Variants in KIAA2012 observed in about 807,000 individuals in gnomAD.
KIAA2012 encodes the protein KIAA2012, also known as uncharacterized protein KIAA2012.
Under a neutral mutation model 150.6 loss-of-function variants are expected in KIAA2012, and 125 were observed. The ratio of observed to expected loss-of-function variants is 0.83; its 90% CI spans 0.72 to 0.96. The LOEUF (loss-of-function observed/expected upper bound fraction) is 0.96. Among genes scored for constraint, KIAA2012 ranks in the 40% least tolerant of loss-of-function variants. KIAA2012 has a pLI of 0.00. For synonymous variants in KIAA2012, 462 were observed against 504.7 expected (o/e 0.92, Z 1.13); for missense variants, 1,219 against 1,354.9 (o/e 0.90, Z 1.57).
intron 13 of KIAA2012, among the ~76,000 whole-genome samples, chr2:202,141,236 G>A (rs898272604): frequency 5.9e-5 from 9 of 152,186 alleles, no homozygotes; most frequent in African/African-American, 2.2e-4. Flanking sequence ...AGCACACGAT[G>A]ATGGCAAATG....
chr2:202,165,270 T>C lies in KIAA2012; in HGVS notation c.2047-14T>C, dbSNP rs1478815671. The C allele has an allele frequency of 1.3e-6, 2 of 1,549,282 alleles. No individual in the cohort carries two copies. Among genetic ancestry groups the C allele is most frequent in the Non-Finnish European group, 1.7e-6 (2 of 1,145,926 alleles). On this transcript the variant is annotated splice_polypyrimidine_tract_variant and intron_variant, in intron 14 of 23. Transcript: ENST00000498697. The stretch of plus-strand genomic sequence containing the variant: ...TATGTCTAATGTATTCTTTGTTGTG[T>C]GTTAACCCAATAGGAAAGTGGAAAT...
At position 202,165,354 on chromosome 2, in the gene KIAA2012, AAGGTACAGACCACT is replaced by A. The variant is rs759200267; in HGVS notation, c.2119+3_2119+16del. On this transcript the variant is annotated splice_donor_variant and splice_donor_5th_base_variant and coding_sequence_variant and intron_variant, in exon 15 of 24. Coordinates refer to ENST00000498697, the MANE Select transcript of KIAA2012 (RefSeq NM_001277372.4). LOFTEE classifies it high-confidence loss of function. ...CTCAGAGAAACTCACCACAACGACC[AAGGTACAGACCACT>A]AGGTGGGGCTTTATAATCTTATAGC... is the stretch of plus-strand genomic sequence containing the variant. 1.7e-4 allele frequency: 260 copies of A among 1,549,988 alleles called. No homozygotes were observed. The highest frequency in any genetic ancestry group is 1.3e-5 in the Non-Finnish European group (15 of 1,146,650).
intron 2 of KIAA2012, among the ~76,000 whole-genome samples, chr2:202,081,701 C>A (rs1376304181): frequency 6.6e-6 from 1 of 152,108 alleles, no homozygotes; most frequent in Non-Finnish European, 1.5e-5. Context: ...GCATGCACCA[C>A]CACACCCAGC....
rs1450202580 is a variant in KIAA2012 at position 202,187,027 on chromosome 2, C to T, written c.2305C>T (p.Leu769Phe). The change falls in exon 17 of 24, where the codon CTT becomes TTT. Residue 769 changes from leucine (L) to phenylalanine (F), a missense_variant. Coordinates refer to ENST00000498697, the MANE Select transcript of KIAA2012 (RefSeq NM_001277372.4). Reference protein sequence around the residue: ...ERLSAVYTSLLPREREGKAEP... With the variant: ...ERLSAVYTSLFPREREGKAEP... ...GTTGAGTGCTGTGTATACATCTCTT[C>T]TTCCAAGAGAAAGAGAAGGGAAGGC... 5.2e-6 allele frequency: 8 copies of T among 1,550,450 alleles called. No individual in the cohort carries two copies. The African/African-American group carries it at 1.1e-4, about 21-fold the overall frequency.
intron 15 of KIAA2012, among the ~76,000 whole-genome samples, chr2:202,176,265 T>C (rs1691987755): frequency 6.6e-6 from 1 of 152,128 alleles, no homozygotes. Context: ...GGCATGATCT[T>C]GGCTCACTGC....
chr2:202,091,354 A>G (rs1430883366), intron 3 of KIAA2012, among the ~76,000 whole-genome samples: 1 of 152,130 alleles, frequency 6.6e-6, no homozygotes, highest in Non-Finnish European at 1.5e-5. Flanking sequence ...TCCACCCTGC[A>G]CCTCCACAGT....
intron 4 of KIAA2012, among the ~76,000 whole-genome samples, 154 bp from the exon 5 acceptor site, chr2:202,097,281 C>A (rs543030843): frequency 1.3e-5 from 2 of 152,292 alleles, no homozygotes; most frequent in Non-Finnish European, 1.5e-5. Context: ...TCCGAGGAGG[C>A]ACTATCAGAA....
chr2:202,163,520 T>G lies in KIAA2012; in HGVS notation c.2047-1764T>G, dbSNP rs571320512. ...TTTCTTTTTCTAACAAAGATTCACC[T>G]GAAAATATTTTTCCAAATCCCTGAG... On this transcript the variant is annotated intron_variant, in intron 14 of 23. Transcript: ENST00000498697. Among the ~76,000 whole-genome samples, 3 of 152,360 alleles carry G rather than the reference T, an allele frequency of 2.0e-5. No homozygotes were observed. In the East Asian group the frequency reaches 5.8e-4, roughly 29 times the overall value.
chr2:202,192,496 T>C (rs1040172351), intron 19 of KIAA2012, among the ~76,000 whole-genome samples: 1 of 151,468 alleles, frequency 6.6e-6, no homozygotes, highest in African/African-American at 2.4e-5. Flanking sequence ...TCACTCTTTT[T>C]GCCCAGGCTG....
intron 20 of KIAA2012, 144 bp downstream of exon 20, chr2:202,193,647 A>G: frequency 2.5e-6 from 2 of 795,258 alleles, no homozygotes; most frequent in Admixed American, 2.8e-5. Flanking sequence ...CTCTATCCTC[A>G]GTTTTCCTAG....
chr2:202,147,598 G>A lies in KIAA2012; in HGVS notation c.1909-7075G>A, dbSNP rs564779059. Among the ~76,000 whole-genome samples, 47 of 152,346 alleles carry A rather than the reference G, an allele frequency of 3.1e-4. No homozygotes were observed. In the East Asian group the frequency reaches 3.9e-3, roughly 12 times the overall value. On this transcript the variant is annotated intron_variant, in intron 13 of 23. Transcript: ENST00000498697. ...AGGACTACTTCAACTCCATAGTCCG[G>A]CTGAATTTGGGTTAAACTTTTATGG...
At chr2:202,184,201 T>C (rs904496378) in intron 15 of KIAA2012, among the ~76,000 whole-genome samples, 2 of 151,996 alleles carry the variant, frequency 1.3e-5, no homozygotes, top group African/African-American at 4.8e-5. Context: ...CTGGCCAATA[T>C]GGTGAAACCC....
chr2:202,149,240 C>T (rs115113634), intron 13 of KIAA2012, among the ~76,000 whole-genome samples: 3,102 of 152,226 alleles, frequency 0.02, 103 homozygotes, highest in African/African-American at 0.069. Context: ...TATCAGCCAA[C>T]GAGGGGAGCC....
At chr2:202,151,437 A>T (rs2105950765) in intron 13 of KIAA2012, among the ~76,000 whole-genome samples, 1 of 152,168 alleles carries the variant, frequency 6.6e-6, no homozygotes, top group East Asian at 1.9e-4. Flanking sequence ...ATAAATAAAT[A>T]ATCAGACCAC....
At chr2:202,154,287 A>C (rs947893631) in intron 13 of KIAA2012, among the ~76,000 whole-genome samples, 1 of 152,248 alleles carries the variant, frequency 6.6e-6, no homozygotes, top group South Asian at 2.1e-4. Context: ...AGGAGCCTTC[A>C]ACAGATGGTA....
intron 14 of KIAA2012, among the ~76,000 whole-genome samples, chr2:202,161,749 C>A (rs1691661658): frequency 6.6e-6 from 1 of 152,112 alleles, no homozygotes; most frequent in Non-Finnish European, 1.5e-5. Context: ...CCCCACAAGC[C>A]AGTGAGCATC....
At chr2:202,148,010 C>T (rs1691336773) in intron 13 of KIAA2012, among the ~76,000 whole-genome samples, 1 of 152,200 alleles carries the variant, frequency 6.6e-6, no homozygotes, top group African/African-American at 2.4e-5. Context: ...AAATTTTTCT[C>T]CTCCAGCTCC....
intron 15 of KIAA2012, among the ~76,000 whole-genome samples, chr2:202,183,419 C>CAAAA (rs1235156565): frequency 2.5e-5 from 1 of 39,858 alleles, no homozygotes; most frequent in Non-Finnish European, 5.0e-5. Context: ...GGCTCTGTCT[C>CAAAA]AAAAAAAAAA....
At chr2:202,188,647 A>T (rs1692274291) in intron 18 of KIAA2012, among the ~76,000 whole-genome samples, 1 of 152,204 alleles carries the variant, frequency 6.6e-6, no homozygotes, top group Non-Finnish European at 1.5e-5. Context: ...TGGGTGACTT[A>T]CATAATATCA....
Sources: allele counts gnomAD v4.1 joint callset (sites outside exome capture counted in the v4.1 genomes callset), GRCh38; gene constraint gnomAD v4.1.1; transcripts MANE v1.5; gene names NCBI Gene and HGNC (gene_info 2026-07-23, HGNC 2026-07-21).